SRBD1: variants seen among roughly 807,000 people sequenced by gnomAD.
The protein encoded by SRBD1 is S1 RNA binding domain 1, also known as S1 RNA-binding domain-containing protein 1.
Under a neutral mutation model 115.3 loss-of-function variants are expected in SRBD1, and 88 were observed. That is an observed-to-expected ratio of 0.76 (90% CI 0.64 to 0.91). SRBD1 has a LOEUF of 0.91. Among genes scored for constraint, SRBD1 ranks in the 40% least tolerant of loss-of-function variants. SRBD1 has a pLI of 0.00. For missense variants in SRBD1, 1,385 were observed against 1,177.4 expected (o/e 1.18, Z -2.58); for synonymous variants, 509 against 407.7 (o/e 1.25, Z -2.99).
At chr2:45,600,450 T>C (rs573953519) in intron 3 of SRBD1, among the ~76,000 whole-genome samples, 1 of 152,304 alleles carries the variant, frequency 6.6e-6, no homozygotes, top group African/African-American at 2.4e-5. Flanking sequence ...AGATTAAAAC[T>C]TGCTATCAAA....
chr2:45,534,971 T>C (rs146673102), intron 14 of SRBD1, among the ~76,000 whole-genome samples: 2 of 151,992 alleles, frequency 1.3e-5, no homozygotes, highest in African/African-American at 2.4e-5. Context: ...CTACCAAAAA[T>C]TCCCCCTACC....
At chr2:45,428,211 C>T (rs547950150) in intron 16 of SRBD1, among the ~76,000 whole-genome samples, 2 of 152,290 alleles carry the variant, frequency 1.3e-5, no homozygotes, top group South Asian at 4.1e-4. Flanking sequence ...CAAAACCACA[C>T]AACTACATGG....
intron 19 of SRBD1, among the ~76,000 whole-genome samples, chr2:45,398,486 CT>C: frequency 6.6e-6 from 1 of 152,238 alleles, no homozygotes; most frequent in South Asian, 2.1e-4. Context: ...TTCTGAAGAA[CT>C]TACTAAATGT....
chr2:45,401,656 A>C (rs1667294883), intron 19 of SRBD1, among the ~76,000 whole-genome samples: 2 of 152,220 alleles, frequency 1.3e-5, no homozygotes. Flanking sequence ...TTATCATTGC[A>C]GGAGTTAGCT....
At chr2:45,591,821 C>A (rs1673734909) in intron 4 of SRBD1, among the ~76,000 whole-genome samples, 1 of 152,180 alleles carries the variant, frequency 6.6e-6, no homozygotes, top group Non-Finnish European at 1.5e-5. Flanking sequence ...ATACTTATTA[C>A]ACTAAAGTGT....
chr2:45,553,561 A>G, intron 11 of SRBD1, 62 bp downstream of exon 11: 1 of 1,045,442 alleles, frequency 9.6e-7, no homozygotes, highest in Non-Finnish European at 1.4e-6. Flanking sequence ...TACACACTGT[A>G]ATGGTACTAG....
At chr2:45,391,029 C>A (rs896042371) in intron 20 of SRBD1, among the ~76,000 whole-genome samples, 7 of 152,146 alleles carry the variant, frequency 4.6e-5, no homozygotes, top group Admixed American at 2.0e-4. Context: ...GACGGGTCTC[C>A]GAGACCCCAT....
intron 7 of SRBD1, among the ~76,000 whole-genome samples, chr2:45,576,229 C>T (rs1409884087): frequency 6.6e-6 from 1 of 152,090 alleles, no homozygotes; most frequent in Non-Finnish European, 1.5e-5. Flanking sequence ...TATATTTTTT[C>T]CTTACAAATT....
intron 15 of SRBD1, among the ~76,000 whole-genome samples, chr2:45,480,749 T>C (rs1669937385): frequency 6.6e-6 from 1 of 152,216 alleles, no homozygotes; most frequent in South Asian, 2.1e-4. Context: ...ACTTCAATTT[T>C]AAATAAAGTT....
intron 7 of SRBD1, among the ~76,000 whole-genome samples, chr2:45,576,688 C>G (rs1408663262): frequency 6.6e-6 from 1 of 152,188 alleles, no homozygotes; most frequent in Non-Finnish European, 1.5e-5. Flanking sequence ...CTCTCTCAGT[C>G]TTCATCTAGG....
chr2:45,463,016 CCGGG>C (rs1669367813), intron 16 of SRBD1, among the ~76,000 whole-genome samples: 1 of 17,338 alleles, frequency 5.8e-5, no homozygotes, highest in African/African-American at 2.2e-4. Context: ...TGAGAATAAC[CCGGG>C]GGGGGGGGGG....
At chr2:45,599,326 C>A in intron 4 of SRBD1, 123 bp downstream of exon 4, 6 of 1,369,382 alleles carry the variant, frequency 4.4e-6, no homozygotes, top group Non-Finnish European at 6.0e-6. Context: ...CTCCAGAAAT[C>A]ACTGGCAAAA....
At chr2:45,591,161 C>G (rs527427446) in intron 4 of SRBD1, among the ~76,000 whole-genome samples, 1 of 152,282 alleles carries the variant, frequency 6.6e-6, no homozygotes, top group South Asian at 2.1e-4. Context: ...GGATAACATT[C>G]CCATTGTAAA....
chr2:45,571,537 A>AAAAAAAAAAAAAAAC (rs1553356650), intron 9 of SRBD1, among the ~76,000 whole-genome samples: 4 of 143,798 alleles, frequency 2.8e-5, no homozygotes, highest in East Asian at 4.5e-4. Flanking sequence ...AAAAAAAAAA[A>AAAAAAAAAAAAAAAC]AAAAACTGTC....
At chr2:45,431,598 G>T (rs1352982083) in intron 16 of SRBD1, among the ~76,000 whole-genome samples, 1 of 152,064 alleles carries the variant, frequency 6.6e-6, no homozygotes, top group Non-Finnish European at 1.5e-5. Flanking sequence ...ACAAAGGGAG[G>T]GGAACATCAC....
chr2:45,581,507 C>T (rs1023064285), intron 6 of SRBD1, among the ~76,000 whole-genome samples, 186 bp downstream of exon 6: 3 of 151,308 alleles, frequency 2.0e-5, no homozygotes, highest in Admixed American at 6.6e-5. Flanking sequence ...TCTTTGTAAA[C>T]CCAAGTGCCT....
At chr2:45,559,648 A>T (rs1259965908) in intron 10 of SRBD1, among the ~76,000 whole-genome samples, 1 of 152,250 alleles carries the variant, frequency 6.6e-6, no homozygotes, top group Non-Finnish European at 1.5e-5. Flanking sequence ...GAGTAAAAAA[A>T]GGAACTAGAA....
chr2:45,478,099 T>C (rs1011698822), intron 15 of SRBD1, among the ~76,000 whole-genome samples: 29 of 152,188 alleles, frequency 1.9e-4, no homozygotes, highest in African/African-American at 6.0e-4. Context: ...TCCAGTAGCA[T>C]ATTTACACTG....
chr2:45,541,047 T>C (rs1671918557), intron 14 of SRBD1, among the ~76,000 whole-genome samples: 1 of 152,174 alleles, frequency 6.6e-6, no homozygotes, highest in Non-Finnish European at 1.5e-5. Flanking sequence ...GCTTGGCTGG[T>C]GCTACTGGCC....
Sources: gnomAD v4.1 joint callset for allele counts (sites outside exome capture counted in the v4.1 genomes callset) on GRCh38, gnomAD v4.1.1 for gene constraint, MANE v1.5 for transcripts, NCBI Gene and HGNC (gene_info 2026-07-23, HGNC 2026-07-21) for gene names.